SLC71A2: variants seen among roughly 807,000 people sequenced by gnomAD.
SLC71A2 encodes solute carrier family 71 member 2.
the SLC71A2 span, among the ~76,000 whole-genome samples, chr9:94,422,891 C>T: frequency 6.6e-6 from 1 of 150,652 alleles, no homozygotes; most frequent in African/African-American, 2.4e-5. Flanking sequence ...CACACATATA[C>T]TTATTATTGA....
chr9:94,455,182 G>GTT, the SLC71A2 span, among the ~76,000 whole-genome samples: 1 of 11,706 alleles, frequency 8.5e-5, no homozygotes, highest in Non-Finnish European at 1.3e-4. Flanking sequence ...TTTTTTTTTT[G>GTT]AGAGAGAGAG....
At chr9:94,394,367 T>G in the SLC71A2 span, among the ~76,000 whole-genome samples, 1 of 94,194 alleles carries the variant, frequency 1.1e-5, no homozygotes, top group Non-Finnish European at 2.7e-5. Context: ...TGCAAAGTCT[T>G]CAAGTATATA....
chr9:94,436,612 C>T, the SLC71A2 span, among the ~76,000 whole-genome samples: 1 of 152,126 alleles, frequency 6.6e-6, no homozygotes, highest in Admixed American at 6.5e-5. Flanking sequence ...CCCATGTGTG[C>T]CCATGTCCTT....
At chr9:94,454,368 AT>A in the SLC71A2 span, among the ~76,000 whole-genome samples, 5 of 151,066 alleles carry the variant, frequency 3.3e-5, no homozygotes, top group Admixed American at 6.6e-5. Context: ...GCATATGCCA[AT>A]TTTTTTTTCT....
At chr9:94,385,274 G>A in the SLC71A2 span, among the ~76,000 whole-genome samples, 51 of 152,238 alleles carry the variant, frequency 3.4e-4, no homozygotes, top group African/African-American at 1.2e-3. Context: ...TTTGTTGCCT[G>A]GGTTTTTGTT....
chr9:94,441,364 A>G, the SLC71A2 span, among the ~76,000 whole-genome samples: 1 of 152,142 alleles, frequency 6.6e-6, no homozygotes, highest in Non-Finnish European at 1.5e-5. Flanking sequence ...GCATCTTCAC[A>G]TGACTGGAGC....
the SLC71A2 span, chr9:94,459,046 T>G: frequency 2.7e-6 from 3 of 1,116,018 alleles, no homozygotes; most frequent in Admixed American, 6.5e-5. Flanking sequence ...AACATTTGCT[T>G]ATGAGAATAT....
chr9:94,388,920 T>G, the SLC71A2 span, among the ~76,000 whole-genome samples: 3 of 152,198 alleles, frequency 2.0e-5, no homozygotes, highest in African/African-American at 4.8e-5. Context: ...CCCGAGTGTT[T>G]GGGTTGCCTC....
At chr9:94,441,040 A>T in the SLC71A2 span, 1 of 1,611,736 alleles carries the variant, frequency 6.2e-7, no homozygotes, top group Non-Finnish European at 8.5e-7. Flanking sequence ...GTTTTCTGTT[A>T]TATTTGCCTA....
At chr9:94,422,457 A>T in the SLC71A2 span, among the ~76,000 whole-genome samples, 1 of 152,210 alleles carries the variant, frequency 6.6e-6, no homozygotes, top group Non-Finnish European at 1.5e-5. Context: ...GCCTATTACA[A>T]ATATTGCTGT....
the SLC71A2 span, among the ~76,000 whole-genome samples, chr9:94,447,524 A>G: frequency 6.8e-6 from 1 of 146,788 alleles, no homozygotes; most frequent in South Asian, 2.1e-4. Context: ...TTTCTAGAAC[A>G]GTTTTAGGTT....
At chr9:94,426,776 T>C in the SLC71A2 span, among the ~76,000 whole-genome samples, 1 of 152,236 alleles carries the variant, frequency 6.6e-6, no homozygotes, top group Non-Finnish European at 1.5e-5. Context: ...TTATGTTTAC[T>C]GTAGTCCTTC....
the SLC71A2 span, among the ~76,000 whole-genome samples, chr9:94,441,298 C>T: frequency 1.3e-5 from 2 of 152,162 alleles, no homozygotes; most frequent in African/African-American, 4.8e-5. Flanking sequence ...GCTTCTGCTT[C>T]TGGGGAGGCC....
chr9:94,447,655 C>A, the SLC71A2 span, among the ~76,000 whole-genome samples: 1 of 152,084 alleles, frequency 6.6e-6, no homozygotes, highest in Non-Finnish European at 1.5e-5. Flanking sequence ...AACTGATGAA[C>A]CTACATTGAC....
chr9:94,443,669 T>G, the SLC71A2 span, among the ~76,000 whole-genome samples: 1 of 152,322 alleles, frequency 6.6e-6, no homozygotes, highest in East Asian at 1.9e-4. Context: ...GGCTTTAAGA[T>G]AGACACATTT....
the SLC71A2 span, among the ~76,000 whole-genome samples, chr9:94,419,094 G>A: frequency 6.6e-6 from 1 of 151,250 alleles, no homozygotes; most frequent in East Asian, 1.9e-4. Flanking sequence ...TGTATATTTA[G>A]ATAATATAGT....
At chr9:94,385,665 T>C in the SLC71A2 span, among the ~76,000 whole-genome samples, 1 of 152,222 alleles carries the variant, frequency 6.6e-6, no homozygotes, top group Non-Finnish European at 1.5e-5. Context: ...CAGTTGGCCA[T>C]ACATGGCTTA....
At chr9:94,459,047 A>T in the SLC71A2 span, 396 of 1,127,276 alleles carry the variant, frequency 3.5e-4, 1 homozygote, top group Non-Finnish European at 4.5e-4. Flanking sequence ...ACATTTGCTT[A>T]TGAGAATATG....
At chr9:94,422,959 A>C in the SLC71A2 span, among the ~76,000 whole-genome samples, 1 of 130,058 alleles carries the variant, frequency 7.7e-6, no homozygotes, top group Non-Finnish European at 1.6e-5. Context: ...TTCTAGATGG[A>C]GTCTTGCTCT....
Sources: allele counts gnomAD v4.1 joint callset (sites outside exome capture counted in the v4.1 genomes callset), GRCh38; gene constraint gnomAD v4.1.1; transcripts MANE v1.5; gene names NCBI Gene and HGNC (gene_info 2026-07-23, HGNC 2026-07-21).